SEMA3E: variants seen among roughly 807,000 people sequenced by gnomAD.
The protein encoded by SEMA3E is semaphorin 3E, also known as semaphorin-3E.
SEMA3E carries 49 observed loss-of-function variants against 93.6 expected under a neutral mutation model. The ratio of observed to expected loss-of-function variants is 0.52; its 90% CI spans 0.42 to 0.66. The LOEUF (loss-of-function observed/expected upper bound fraction) is 0.66, where lower values mean the gene tolerates loss of function less well. SEMA3E is among the 30% of genes least tolerant of loss of function. SEMA3E has a pLI of 0.00. For missense variants in SEMA3E, 906 were observed against 964.8 expected, an observed-to-expected ratio of 0.94 and a Z score of 0.81; for synonymous variants, 363 against 330.7, an observed-to-expected ratio of 1.10 and a Z score of -1.06.
intron 1 of SEMA3E, among the ~76,000 whole-genome samples, chr7:83,559,290 T>C (rs1378132336): frequency 6.6e-6 from 1 of 152,086 alleles, no homozygotes; most frequent in East Asian, 1.9e-4. Flanking sequence ...TCCAGCATTG[T>C]GCAACCATAA....
At chr7:83,440,093 T>A (rs1415884019) in intron 4 of SEMA3E, among the ~76,000 whole-genome samples, 1 of 152,220 alleles carries the variant, frequency 6.6e-6, no homozygotes, top group Admixed American at 6.5e-5. Flanking sequence ...TTCTAAATAT[T>A]TTCCTTTATT....
At chr7:83,556,244 C>G (rs1239664986) in intron 1 of SEMA3E, among the ~76,000 whole-genome samples, 1 of 152,124 alleles carries the variant, frequency 6.6e-6, no homozygotes, top group Admixed American at 6.6e-5. Context: ...ATTGATAATA[C>G]TTTAGCATAT....
intron 1 of SEMA3E, among the ~76,000 whole-genome samples, chr7:83,573,584 T>C (rs1792331973): frequency 6.6e-6 from 1 of 152,070 alleles, no homozygotes; most frequent in Non-Finnish European, 1.5e-5. Flanking sequence ...AAGGCATTTT[T>C]ATTGAAGCAT....
chr7:83,482,564 CAAAAAAAAAAA>C (rs11429680), intron 2 of SEMA3E, among the ~76,000 whole-genome samples: 1 of 80,236 alleles, frequency 1.2e-5, no homozygotes, highest in African/African-American at 5.8e-5. Flanking sequence ...CACTCCGTCT[CAAAAAAAAAAA>C]AAAAAAAAAA....
intron 1 of SEMA3E, among the ~76,000 whole-genome samples, chr7:83,617,448 T>A (rs866488495): frequency 1.6e-5 from 2 of 126,942 alleles, no homozygotes; most frequent in African/African-American, 2.8e-5. Flanking sequence ...TTATATAAAT[T>A]TTATATAAAT....
At chr7:83,639,108 CTCAAAAAAA>C (rs1223353342) in intron 1 of SEMA3E, among the ~76,000 whole-genome samples, 62 of 33,694 alleles carry the variant, frequency 1.8e-3, no homozygotes, top group African/African-American at 4.0e-3. Context: ...GAGACTCCGT[CTCAAAAAAA>C]AAAAAAAAAA....
intron 1 of SEMA3E, among the ~76,000 whole-genome samples, chr7:83,589,520 A>C (rs887047364): frequency 2.0e-5 from 3 of 152,178 alleles, no homozygotes; most frequent in African/African-American, 7.2e-5. Flanking sequence ...TCTAGGCCTG[A>C]GCCATAAAGT....
chr7:83,477,715 T>C (rs1790045217), intron 2 of SEMA3E, among the ~76,000 whole-genome samples: 1 of 152,128 alleles, frequency 6.6e-6, no homozygotes, highest in African/African-American at 2.4e-5. Flanking sequence ...GTATAATTAA[T>C]GTGAAATGCC....
At chr7:83,598,554 T>C (rs1792921869) in intron 1 of SEMA3E, among the ~76,000 whole-genome samples, 1 of 152,190 alleles carries the variant, frequency 6.6e-6, no homozygotes, top group Admixed American at 6.5e-5. Context: ...GTCTGAAATA[T>C]CAATGGTGAG....
At chr7:83,554,977 A>AAAATAAATAAATAAATAAATAAAT (rs750652810) in intron 1 of SEMA3E, among the ~76,000 whole-genome samples, 8,893 of 144,216 alleles carry the variant, frequency 0.062, 406 homozygotes, top group Middle Eastern at 0.11. Context: ...ACTCCGTCTC[A>AAAATAAATAAATAAATAAATAAAT]AAATAAATAA....
intron 1 of SEMA3E, among the ~76,000 whole-genome samples, chr7:83,615,879 ATC>A (rs146088603): frequency 1.3e-5 from 2 of 151,412 alleles, no homozygotes. Context: ...CTGTTGTGGA[ATC>A]TCTCTCTCTC....
chr7:83,469,398 C>CTTTTTTTTTTTTTTTTT (rs10650403), intron 2 of SEMA3E, 96 bp from the exon 3 acceptor site: 1 of 530,596 alleles, frequency 1.9e-6, no homozygotes, highest in African/African-American at 2.1e-5. Context: ...AAAACATTTC[C>CTTTTTTTTTTTTTTTTT]TTTTTTTTTT....
intron 4 of SEMA3E, among the ~76,000 whole-genome samples, chr7:83,449,158 G>A (rs1399333047): frequency 6.6e-6 from 1 of 151,658 alleles, no homozygotes; most frequent in Non-Finnish European, 1.5e-5. Context: ...GGAGTGCAGT[G>A]GCGTAATCTT....
At position 83,466,247 on chromosome 7, in the gene SEMA3E, A is replaced by T. The variant is rs189636904; in HGVS notation, c.456+235T>A. ...AAGAGATGTTCTTAGTGGGCAAATT[A>T]AGCAAATAAAATTATTAAGTGAATT... On this transcript the variant is annotated intron_variant, in intron 4 of 16. Transcript: ENST00000643230. 3.9e-5 allele frequency among the ~76,000 whole-genome samples: 6 copies of T among 152,318 alleles called. No homozygotes were observed. The East Asian group carries it at 1.2e-3, about 29-fold the overall frequency.
At chr7:83,466,380 A>G in intron 4 of SEMA3E, 102 bp downstream of exon 4, 1 of 1,406,602 alleles carries the variant, frequency 7.1e-7, no homozygotes, top group Non-Finnish European at 1.0e-6. Context: ...GTACATCGCA[A>G]ATGCTTTTAT....
At chr7:83,622,650 G>A (rs536261497) in intron 1 of SEMA3E, among the ~76,000 whole-genome samples, 67 of 152,210 alleles carry the variant, frequency 4.4e-4, no homozygotes, top group Non-Finnish European at 6.8e-4. Context: ...CTATGCAGCC[G>A]TAAAAAGGAA....
intron 3 of SEMA3E, among the ~76,000 whole-genome samples, chr7:83,468,188 T>C (rs1266015938): frequency 6.6e-6 from 1 of 152,188 alleles, no homozygotes; most frequent in Non-Finnish European, 1.5e-5. Flanking sequence ...ACTATCGAAT[T>C]GATTATCCAG....
intron 4 of SEMA3E, among the ~76,000 whole-genome samples, chr7:83,438,858 G>C (rs1357976898): frequency 6.6e-6 from 1 of 151,970 alleles, no homozygotes; most frequent in Non-Finnish European, 1.5e-5. Context: ...AAGGATGGAG[G>C]TAATTATTTA....
intron 1 of SEMA3E, among the ~76,000 whole-genome samples, chr7:83,582,936 T>C (rs1792543221): frequency 6.6e-6 from 1 of 152,156 alleles, no homozygotes; most frequent in South Asian, 2.1e-4. Context: ...CATATGTTTA[T>C]ACAAACAAAA....
Sources: gnomAD v4.1 joint callset for allele counts (sites outside exome capture counted in the v4.1 genomes callset) on GRCh38, gnomAD v4.1.1 for gene constraint, MANE v1.5 for transcripts, NCBI Gene and HGNC (gene_info 2026-07-23, HGNC 2026-07-21) for gene names.